Variants in INSL6 observed in about 807,000 individuals in gnomAD.
The protein encoded by INSL6 is insulin like 6.
In INSL6, 16 loss-of-function variants were observed where a neutral mutation model predicts 9.4. That is an observed-to-expected ratio of 1.70 (90% CI 1.15 to 2.59). The LOEUF (loss-of-function observed/expected upper bound fraction) is 2.59. Ranked by LOEUF, INSL6 falls within the 30% of genes most tolerant of loss-of-function variation. The pLI is 0.00. For missense variants in INSL6, 391 were observed against 257.3 expected, an observed-to-expected ratio of 1.52 and a Z score of -3.56; for synonymous variants, 154 against 96.9, an observed-to-expected ratio of 1.59 and a Z score of -3.46.
chr9:5,124,439 T>A (rs1190470778), exon 4 of INSL6, among the ~76,000 whole-genome samples: 1 of 151,812 alleles, frequency 6.6e-6, no homozygotes, highest in Non-Finnish European at 1.5e-5. Flanking sequence ...CAATCCAATT[T>A]ACCAGCACCA....
the INSL6 span, among the ~76,000 whole-genome samples, chr9:5,062,965 C>T: frequency 6.6e-6 from 1 of 151,880 alleles, no homozygotes; most frequent in Non-Finnish European, 1.5e-5. Context: ...TAGGTATATT[C>T]CTTTGTTATA....
At chr9:5,111,352 G>A in the INSL6 span, 10 of 410,386 alleles carry the variant, frequency 2.4e-5, no homozygotes, top group East Asian at 1.2e-4. Context: ...GGGACCTCCC[G>A]GTACTACCCC....
chr9:5,065,035 A>G, the INSL6 span: 1 of 1,577,544 alleles, frequency 6.3e-7, no homozygotes, highest in East Asian at 2.3e-5. Flanking sequence ...GTCATGGCCC[A>G]ATTTCGTGAG....
At chr9:5,095,799 A>C in the INSL6 span, among the ~76,000 whole-genome samples, 1 of 152,208 alleles carries the variant, frequency 6.6e-6, no homozygotes, top group South Asian at 2.1e-4. Flanking sequence ...GAATGATCCC[A>C]GTACTAACTT....
At chr9:5,109,056 T>C in the INSL6 span, 1 of 152,134 alleles carries the variant, frequency 6.6e-6, no homozygotes, top group Non-Finnish European at 1.5e-5. Flanking sequence ...AAGGGAACTC[T>C]CTGTGATCAT....
intron 3 of INSL6, among the ~76,000 whole-genome samples, chr9:5,124,548 G>C (rs930289026): frequency 6.6e-6 from 1 of 151,512 alleles, no homozygotes; most frequent in African/African-American, 2.4e-5. Context: ...CACAGAATTA[G>C]AAAAAACAAT....
chr9:5,114,629 T>C, the INSL6 span: 3 of 482,556 alleles, frequency 6.2e-6, no homozygotes, highest in South Asian at 4.7e-5. Flanking sequence ...TCCCGGACAC[T>C]TGGCACAGCA....
chr9:5,045,941 A>AT, the INSL6 span, among the ~76,000 whole-genome samples: 5 of 151,880 alleles, frequency 3.3e-5, no homozygotes, highest in African/African-American at 7.3e-5. Flanking sequence ...TAAATTTATA[A>AT]TTTTTTTTGA....
chr9:5,117,240 G>A, the INSL6 span, among the ~76,000 whole-genome samples: 5 of 152,148 alleles, frequency 3.3e-5, no homozygotes, highest in Non-Finnish European at 5.9e-5. Flanking sequence ...CCATTGTCAG[G>A]TACTCTGTTA....
At chr9:5,123,211 C>T (rs991423363), downstream of INSL6, 4 of 748,402 alleles carry the variant, frequency 5.3e-6, no homozygotes, top group African/African-American at 7.0e-5. Context: ...TTGCTACATG[C>T]ATACATTGCA....
At chr9:5,077,163 G>T in the INSL6 span, among the ~76,000 whole-genome samples, 2 of 150,946 alleles carry the variant, frequency 1.3e-5, no homozygotes, top group Admixed American at 6.6e-5. Flanking sequence ...TTAAAAACCA[G>T]CCATAATTCA....
exon 3 of INSL6, chr9:5,133,486 G>C (rs373679704): frequency 6.5e-6 from 1 of 153,652 alleles, no homozygotes; most frequent in South Asian, 2.1e-4. Context: ...CTGGGATGAA[G>C]CTTCCAGAGG....
At chr9:5,005,815 G>T in the INSL6 span, among the ~76,000 whole-genome samples, 8 of 152,190 alleles carry the variant, frequency 5.3e-5, no homozygotes, top group Admixed American at 4.6e-4. Flanking sequence ...GTTTTAAATG[G>T]TATATTCTGA....
At chr9:5,130,977 C>T (rs563206728) in intron 3 of INSL6, among the ~76,000 whole-genome samples, 3 of 152,036 alleles carry the variant, frequency 2.0e-5, no homozygotes, top group African/African-American at 7.2e-5. Context: ...GATCCGCCCG[C>T]CTCGGCCTCC....
chr9:5,168,451 C>T (rs1825105691), intron 1 of INSL6, among the ~76,000 whole-genome samples: 1 of 151,976 alleles, frequency 6.6e-6, no homozygotes, highest in African/African-American at 2.4e-5. Flanking sequence ...AAGTTTGTAG[C>T]TGAATAGACC....
chr9:5,080,130 C>A, the INSL6 span: 1 of 950,790 alleles, frequency 1.1e-6, no homozygotes, highest in Non-Finnish European at 1.6e-6. Flanking sequence ...GAAAATAGGC[C>A]TGATTATTCA....
the INSL6 span, chr9:5,110,730 T>C: frequency 2.8e-6 from 1 of 362,262 alleles, no homozygotes; most frequent in Admixed American, 3.8e-5. Context: ...CTGGCTATAG[T>C]ACCCGTGTTA....
At chr9:5,055,421 A>T in the INSL6 span, among the ~76,000 whole-genome samples, 1 of 152,006 alleles carries the variant, frequency 6.6e-6, no homozygotes, top group African/African-American at 2.4e-5. Flanking sequence ...ATGTTAATTG[A>T]ATTGAAGAGT....
At chr9:5,006,665 A>C in the INSL6 span, among the ~76,000 whole-genome samples, 1 of 152,098 alleles carries the variant, frequency 6.6e-6, no homozygotes, top group Non-Finnish European at 1.5e-5. Context: ...ATGCTGCAAA[A>C]ATTTAAATAA....
Sources: allele counts gnomAD v4.1 joint callset (sites outside exome capture counted in the v4.1 genomes callset), GRCh38; gene constraint gnomAD v4.1.1; transcripts MANE v1.5; gene names NCBI Gene and HGNC (gene_info 2026-07-23, HGNC 2026-07-21).